The following MYOM2 variants were observed in gnomAD, a reference collection of about 807,000 sequenced individuals.
The protein encoded by MYOM2 is myomesin 2, also known as myomesin-2.
In MYOM2, 254 loss-of-function variants were observed where a neutral mutation model predicts 187.6. The ratio of observed to expected loss-of-function variants is 1.35; its 90% CI spans 1.22 to 1.50. MYOM2 has a LOEUF of 1.50. Ranked by LOEUF, MYOM2 falls within the 40% of genes most tolerant of loss-of-function variation. The pLI, the probability that MYOM2 is intolerant of heterozygous loss-of-function variation, is 0.00. For synonymous variants in MYOM2, 981 were observed against 753.8 expected (o/e 1.30, Z -4.94); for missense variants, 2,796 against 1,924.0 (o/e 1.45, Z -8.48).
At chr8:2,139,579 A>G (rs918261120) in intron 32 of MYOM2, among the ~76,000 whole-genome samples, 10 of 152,156 alleles carry the variant, frequency 6.6e-5, no homozygotes, top group African/African-American at 2.4e-4. Context: ...CGGCAAGGGT[A>G]AGGAAAGATG....
At chr8:2,112,041 T>C (rs761371761) in intron 25 of MYOM2, among the ~76,000 whole-genome samples, 10 of 152,150 alleles carry the variant, frequency 6.6e-5, no homozygotes, top group Non-Finnish European at 1.3e-4. Context: ...GAAACAAAAA[T>C]TGCAGCATCC....
intron 14 of MYOM2, among the ~76,000 whole-genome samples, chr8:2,086,515 C>CATGGCCCCCCACTGTCATGATCTCTGT (rs1796079070): frequency 4.4e-5 from 6 of 136,578 alleles, no homozygotes; most frequent in Non-Finnish European, 9.8e-5. Context: ...GTGATCTCTG[C>CATGGCCCCCCACTGTCATGATCTCTGT]GTGGCCCCAC....
At chr8:2,119,422 G>A (rs1326852947) in intron 28 of MYOM2, 1 of 152,696 alleles carries the variant, frequency 6.5e-6, no homozygotes, top group Non-Finnish European at 1.5e-5. Context: ...TGGCAGGGAG[G>A]GACTTTGGAG....
At chr8:2,052,128 C>G (rs1177598202) in intron 2 of MYOM2, 30 bp from the exon 3 acceptor site, 4 of 1,611,290 alleles carry the variant, frequency 2.5e-6, no homozygotes, top group Non-Finnish European at 3.4e-6. Flanking sequence ...CCTGAGCATG[C>G]ATCTCCTAAT....
At chr8:2,108,001 C>T (rs58396608) in intron 23 of MYOM2, among the ~76,000 whole-genome samples, 1 of 152,102 alleles carries the variant, frequency 6.6e-6, no homozygotes, top group South Asian at 2.1e-4. Context: ...AAATTCCTAC[C>T]AGAAGGTTGA....
chr8:2,062,089 G>A (rs2129331033), intron 6 of MYOM2, among the ~76,000 whole-genome samples: 1 of 152,326 alleles, frequency 6.6e-6, no homozygotes, highest in Non-Finnish European at 1.5e-5. Flanking sequence ...GCTGTGGAGT[G>A]GGTGGGCCCC....
intron 31 of MYOM2, among the ~76,000 whole-genome samples, chr8:2,127,171 T>C (rs1200929011): frequency 6.6e-6 from 1 of 151,956 alleles, no homozygotes; most frequent in Non-Finnish European, 1.5e-5. Context: ...GGCTCTGCAG[T>C]GTGTTGACTT....
intron 32 of MYOM2, among the ~76,000 whole-genome samples, chr8:2,135,403 C>CT (rs766568367): frequency 7.9e-5 from 12 of 152,144 alleles, no homozygotes; most frequent in Non-Finnish European, 1.5e-4. Context: ...GTTCCCCTTG[C>CT]TTTCAGGTTG....
At chr8:2,066,362 C>T (rs939198968) in intron 6 of MYOM2, among the ~76,000 whole-genome samples, 2 of 152,178 alleles carry the variant, frequency 1.3e-5, no homozygotes, top group Non-Finnish European at 2.9e-5. Flanking sequence ...TTGCTCACTT[C>T]CATATACTCT....
At chr8:2,086,536 T>TCTCCACGTGGCCACACAC (rs1796081420) in intron 14 of MYOM2, among the ~76,000 whole-genome samples, 1 of 151,886 alleles carries the variant, frequency 6.6e-6, no homozygotes, top group Non-Finnish European at 1.5e-5. Context: ...ACTGTCGTGT[T>TCTCCACGTGGCCACACAC]TGCTGTGTTT....
intron 21 of MYOM2, among the ~76,000 whole-genome samples, chr8:2,105,696 A>T (rs925544660): frequency 1.3e-5 from 2 of 152,128 alleles, no homozygotes; most frequent in Non-Finnish European, 2.9e-5. Context: ...AATTAGCAAC[A>T]ACAAAACAAC....
At chr8:2,107,230 C>G (rs996758413) in intron 23 of MYOM2, among the ~76,000 whole-genome samples, 1 of 152,092 alleles carries the variant, frequency 6.6e-6, no homozygotes, top group Non-Finnish European at 1.5e-5. Flanking sequence ...ATCTACCCCA[C>G]CCACAGGACA....
chr8:2,125,401 T>C (rs546117069), intron 31 of MYOM2, among the ~76,000 whole-genome samples: 11 of 152,306 alleles, frequency 7.2e-5, no homozygotes, highest in Non-Finnish European at 1.6e-4. Flanking sequence ...TGACCATCAA[T>C]ATTTAGTTTC....
Position 2,048,980 on chromosome 8 carries a change from A to G in MYOM2, c.-12-1775A>G, listed in dbSNP as rs547724361. ...ATTTTTTGTATTTTTTTTAGTAGAG[A>G]CGGGGTTTCACCATCTTAGCCAGGG... On this transcript the variant is annotated intron_variant, in intron 1 of 36. Coordinates refer to ENST00000262113, the MANE Select transcript of MYOM2 (RefSeq NM_003970.4). 5.5e-4 allele frequency among the ~76,000 whole-genome samples: 83 copies of G among 151,716 alleles called. 1 individual carries two copies. The highest frequency in any genetic ancestry group is 1.5e-3 in the African/African-American group (62 of 41,364).
At chr8:2,123,058 G>C (rs911815968) in intron 28 of MYOM2, among the ~76,000 whole-genome samples, 194 bp from the exon 29 acceptor site, 2 of 152,156 alleles carry the variant, frequency 1.3e-5, no homozygotes, top group Non-Finnish European at 2.9e-5. Flanking sequence ...AATTTTCTTA[G>C]AAGCTGGAAT....
intron 23 of MYOM2, among the ~76,000 whole-genome samples, 195 bp downstream of exon 23, chr8:2,106,792 A>G (rs1796909128): frequency 6.6e-6 from 1 of 152,226 alleles, no homozygotes; most frequent in South Asian, 2.1e-4. Context: ...GTTTCCACCA[A>G]GTAGTCTCTG....
At chr8:2,080,959 T>A (rs1819602907) in intron 13 of MYOM2, among the ~76,000 whole-genome samples, 1 of 118,068 alleles carries the variant, frequency 8.5e-6, no homozygotes, top group Non-Finnish European at 1.8e-5. Context: ...CAGAATGAGG[T>A]TTGGTTCTGG....
intron 18 of MYOM2, among the ~76,000 whole-genome samples, chr8:2,097,376 A>C (rs1045719695): frequency 6.6e-6 from 1 of 152,152 alleles, no homozygotes; most frequent in Non-Finnish European, 1.5e-5. Flanking sequence ...ACAAATAATA[A>C]TTGTACGTAT....
chr8:2,090,377 C>T (rs2116729915), intron 15 of MYOM2, among the ~76,000 whole-genome samples, 186 bp downstream of exon 15: 1 of 152,330 alleles, frequency 6.6e-6, no homozygotes, highest in African/African-American at 2.4e-5. Context: ...CTTGACATTT[C>T]TCCAAAGCTC....
Sources: allele counts gnomAD v4.1 joint callset (sites outside exome capture counted in the v4.1 genomes callset), GRCh38; gene constraint gnomAD v4.1.1; transcripts MANE v1.5; gene names NCBI Gene and HGNC (gene_info 2026-07-23, HGNC 2026-07-21).